Variants in OCA2 observed in about 807,000 individuals in gnomAD.
The protein encoded by OCA2 is P protein.
Under a neutral mutation model 100.2 loss-of-function variants are expected in OCA2, and 77 were observed. The ratio of observed to expected loss-of-function variants is 0.77; its 90% confidence interval spans 0.64 to 0.93. The LOEUF (loss-of-function observed/expected upper bound fraction) is 0.93, where lower values mean the gene tolerates loss of function less well. Ranked by LOEUF, OCA2 falls within the 40% of genes least tolerant of loss-of-function variation. The pLI is 0.00. For missense variants in OCA2, 1,062 were observed against 1,089.1 expected (o/e 0.98, Z 0.35); for synonymous variants, 432 against 439.2 (o/e 0.98, Z 0.21).
intron 21 of OCA2, among the ~76,000 whole-genome samples, chr15:27,858,136 G>T (rs889193771): frequency 6.6e-5 from 10 of 152,068 alleles, no homozygotes; most frequent in Non-Finnish European, 1.0e-4. Context: ...ATTGTAAATG[G>T]ATTAAACTCT....
At chr15:28,055,430 A>G (rs961746511) in intron 2 of OCA2, among the ~76,000 whole-genome samples, 1 of 152,190 alleles carries the variant, frequency 6.6e-6, no homozygotes, top group Non-Finnish European at 1.5e-5. Flanking sequence ...TTTCATTTCA[A>G]TGCTGTTTCC....
At chr15:27,812,118 T>C (rs1303257270) in intron 23 of OCA2, among the ~76,000 whole-genome samples, 1 of 152,230 alleles carries the variant, frequency 6.6e-6, no homozygotes, top group African/African-American at 2.4e-5. Flanking sequence ...ATGAAGTTGA[T>C]GATGCAACCA....
At chr15:27,795,302 TA>T (rs768095007) in intron 23 of OCA2, among the ~76,000 whole-genome samples, 111 of 152,210 alleles carry the variant, frequency 7.3e-4, no homozygotes, top group Non-Finnish European at 1.5e-3. Context: ...CTTTTCACAG[TA>T]ACTATTTTGG....
At chr15:27,864,695 A>G (rs2036256291) in intron 21 of OCA2, among the ~76,000 whole-genome samples, 2 of 152,218 alleles carry the variant, frequency 1.3e-5, no homozygotes, top group South Asian at 2.1e-4. Flanking sequence ...ATTTATGTGC[A>G]TAAATTACCA....
chr15:27,954,963 C>T (rs919570285), intron 17 of OCA2, among the ~76,000 whole-genome samples, 195 bp downstream of exon 17: 8 of 152,242 alleles, frequency 5.3e-5, no homozygotes, highest in African/African-American at 1.9e-4. Flanking sequence ...TTTCCACATC[C>T]TCACAAAATC....
At chr15:27,788,367 T>C (rs191696838) in intron 23 of OCA2, among the ~76,000 whole-genome samples, 2 of 152,222 alleles carry the variant, frequency 1.3e-5, no homozygotes, top group Admixed American at 1.3e-4. Flanking sequence ...ATTTAGGGAT[T>C]TTGTTCTTAG....
At chr15:28,021,817 A>G (rs2042602785) in intron 6 of OCA2, among the ~76,000 whole-genome samples, 1 of 152,176 alleles carries the variant, frequency 6.6e-6, no homozygotes, top group Non-Finnish European at 1.5e-5. Context: ...GAGGGGAAAA[A>G]GTAGCTCTTA....
intron 1 of OCA2, among the ~76,000 whole-genome samples, chr15:28,085,168 G>C (rs1474281761): frequency 6.6e-6 from 1 of 152,102 alleles, no homozygotes. Flanking sequence ...GGAACCCCAG[G>C]TGGGCCCCAG....
At chr15:27,805,773 C>G (rs1233800099) in intron 23 of OCA2, among the ~76,000 whole-genome samples, 1 of 152,078 alleles carries the variant, frequency 6.6e-6, no homozygotes, top group Non-Finnish European at 1.5e-5. Context: ...CCGCGCCCCC[C>G]ACATCCAGGT....
chr15:28,054,387 T>G (rs184686413), intron 2 of OCA2, among the ~76,000 whole-genome samples: 1 of 152,212 alleles, frequency 6.6e-6, no homozygotes, highest in Non-Finnish European at 1.5e-5. Context: ...CCTCTGGAGA[T>G]GGCCAAATGG....
At chr15:27,810,530 T>G (rs568620332) in intron 23 of OCA2, among the ~76,000 whole-genome samples, 2 of 152,272 alleles carry the variant, frequency 1.3e-5, no homozygotes, top group East Asian at 1.9e-4. Flanking sequence ...GTTAAAAAAC[T>G]TCTGTACAGC....
intron 6 of OCA2, among the ~76,000 whole-genome samples, chr15:28,020,700 C>T (rs1001017132): frequency 5.9e-5 from 9 of 152,224 alleles, no homozygotes; most frequent in African/African-American, 1.7e-4. Flanking sequence ...AGCTCAGGCA[C>T]GGTTTTAAAG....
intron 19 of OCA2, among the ~76,000 whole-genome samples, chr15:27,884,624 A>C (rs1466671834): frequency 1.3e-5 from 2 of 152,228 alleles, no homozygotes; most frequent in Non-Finnish European, 2.9e-5. Context: ...CATTGGAATC[A>C]GAGATCCATT....
At chr15:28,010,718 T>C (rs1005038034) in intron 9 of OCA2, among the ~76,000 whole-genome samples, 3 of 152,174 alleles carry the variant, frequency 2.0e-5, no homozygotes, top group Admixed American at 6.5e-5. Flanking sequence ...AAATACTATG[T>C]TTAGGGACTA....
At chr15:27,719,311 G>GTC in the OCA2 span, among the ~76,000 whole-genome samples, 15 of 151,222 alleles carry the variant, frequency 9.9e-5, no homozygotes, top group African/African-American at 2.9e-4. Flanking sequence ...TACATCCCTG[G>GTC]TCTCTCTCTC....
chr15:27,989,650 T>A lies in OCA2; in HGVS notation c.1133A>T (p.His378Leu). The A allele has an allele frequency of 6.2e-7, 1 of 1,614,092 alleles. No individual in the cohort carries two copies. Among genetic ancestry groups the A allele is most frequent in the Non-Finnish European group, 8.5e-7 (1 of 1,180,012 alleles). ...AVIGDRPSLT[H>L]VVEWIDFETL... is the part of the protein sequence containing the mutation. Reference sequence around the variant, plus strand: ...CTCAAAATCAATCCACTCCACCACATGGGTCAGGCTGGGTCTCTGCAATCA... The same window carrying A: ...CTCAAAATCAATCCACTCCACCACAAGGGTCAGGCTGGGTCTCTGCAATCA... The change falls in exon 11 of 24, where the codon CAT (histidine) becomes CTT (leucine). Residue 378 changes from histidine (H) to leucine (L), a missense_variant. Coordinates refer to ENST00000354638, the MANE Select transcript of OCA2 (RefSeq NM_000275.3).
intron 14 of OCA2, among the ~76,000 whole-genome samples, chr15:27,967,517 A>C (rs989649862): frequency 6.6e-6 from 1 of 152,202 alleles, no homozygotes; most frequent in African/African-American, 2.4e-5. Context: ...ATACTAAACT[A>C]TATGATAATA....
At chr15:27,751,784 C>G (rs1290564044), downstream of OCA2, among the ~76,000 whole-genome samples, 1 of 152,166 alleles carries the variant, frequency 6.6e-6, no homozygotes, top group Non-Finnish European at 1.5e-5. Context: ...TGAATGAAGT[C>G]CCTGCCTTCC....
chr15:27,838,782 T>A (rs1204946845), intron 23 of OCA2, among the ~76,000 whole-genome samples: 2 of 152,128 alleles, frequency 1.3e-5, no homozygotes, highest in African/African-American at 4.8e-5. Flanking sequence ...AAGGGTGTAT[T>A]AGGAAGCAAA....
Sources: allele counts gnomAD v4.1 joint callset (sites outside exome capture counted in the v4.1 genomes callset), GRCh38; gene constraint gnomAD v4.1.1; transcripts MANE v1.5; gene names NCBI Gene and HGNC (gene_info 2026-07-23, HGNC 2026-07-21).